Variants in AGBL1 observed in about 807,000 individuals in gnomAD.
AGBL1 encodes cytosolic carboxypeptidase 4.
In AGBL1, 130 loss-of-function variants were observed where a neutral mutation model predicts 118.9. The ratio of observed to expected loss-of-function variants is 1.09; its 90% CI spans 0.95 to 1.26. AGBL1 has a LOEUF of 1.26. Among genes scored for constraint, AGBL1 ranks in the 50% most tolerant of loss-of-function variants. The pLI is 0.00. For missense variants in AGBL1, 1,584 were observed against 1,298.1 expected (o/e 1.22, Z -3.38); for synonymous variants, 555 against 478.9 (o/e 1.16, Z -2.08).
intron 1 of AGBL1, 34 bp downstream of exon 1, chr15:86,080,057 G>A (rs1315302244): frequency 4.9e-6 from 6 of 1,230,646 alleles, no homozygotes; most frequent in East Asian, 3.2e-5. Flanking sequence ...AGAACCCGGC[G>A]GGCTGGGTGT....
intron 18 of AGBL1, among the ~76,000 whole-genome samples, chr15:86,477,109 A>G (rs925601080): frequency 3.2e-4 from 48 of 152,316 alleles, no homozygotes; most frequent in Middle Eastern, 6.8e-3. Flanking sequence ...TATAGCACTC[A>G]ATGCCCACAA....
intron 18 of AGBL1, among the ~76,000 whole-genome samples, chr15:86,436,635 A>G (rs1187002684): frequency 2.0e-5 from 3 of 152,214 alleles, no homozygotes; most frequent in Non-Finnish European, 4.4e-5. Flanking sequence ...TGCTGCCATA[A>G]CAATTACACT....
intron 17 of AGBL1, among the ~76,000 whole-genome samples, chr15:86,379,561 T>C (rs898376408): frequency 6.6e-6 from 1 of 152,222 alleles, no homozygotes. Flanking sequence ...GATTGGGCAA[T>C]TGATGTGTGC....
intron 9 of AGBL1, among the ~76,000 whole-genome samples, chr15:86,261,064 T>G (rs751112004): frequency 1.2e-4 from 19 of 152,220 alleles, no homozygotes; most frequent in Non-Finnish European, 2.4e-4. Context: ...TGTGGCTCTT[T>G]TCCAATAAAA....
intron 22 of AGBL1, among the ~76,000 whole-genome samples, chr15:86,787,659 A>G (rs2078432776): frequency 6.6e-6 from 1 of 151,988 alleles, no homozygotes; most frequent in South Asian, 2.1e-4. Flanking sequence ...TTGTTTCCAT[A>G]TTTTGCCTAA....
intron 3 of AGBL1, among the ~76,000 whole-genome samples, chr15:86,147,622 A>G (rs1196545792): frequency 6.6e-6 from 1 of 152,208 alleles, no homozygotes; most frequent in Non-Finnish European, 1.5e-5. Context: ...AACTGGGTAG[A>G]GCCCACCATA....
intron 21 of AGBL1, among the ~76,000 whole-genome samples, chr15:86,643,550 G>C (rs2085226498): frequency 6.6e-6 from 1 of 151,896 alleles, no homozygotes; most frequent in Non-Finnish European, 1.5e-5. Context: ...TTCTTAATTA[G>C]ATTTATAGGA....
At chr15:86,867,988 C>A (rs2079657339) in intron 22 of AGBL1, among the ~76,000 whole-genome samples, 1 of 152,058 alleles carries the variant, frequency 6.6e-6, no homozygotes, top group East Asian at 1.9e-4. Flanking sequence ...TTCATAAATG[C>A]CTGAATCCAG....
chr15:86,300,872 G>GA (rs1186604330), intron 17 of AGBL1, among the ~76,000 whole-genome samples: 1 of 152,196 alleles, frequency 6.6e-6, no homozygotes, highest in Admixed American at 6.5e-5. Flanking sequence ...GCTGTTCTCA[G>GA]AAAAAAGATT....
intron 22 of AGBL1, among the ~76,000 whole-genome samples, chr15:86,745,328 T>G (rs1262170473): frequency 1.3e-5 from 2 of 152,012 alleles, no homozygotes; most frequent in Non-Finnish European, 2.9e-5. Context: ...AGGCTGTAAG[T>G]TTACATGACC....
In AGBL1 at chr15:86,323,848, C is replaced by T. The variant is rs543901336; in HGVS notation, c.2374+28440C>T. Among the ~76,000 whole-genome samples, 5 of 152,270 alleles carry T rather than the reference C, an allele frequency of 3.3e-5. No homozygotes were observed. In the South Asian group the frequency reaches 1.0e-3, roughly 32 times the overall value. ...TATTTTGCAAACTTAATGGACTTAC[C>T]ACTACTGACCTCTCTTCATGGTGTC... On this transcript the variant is annotated intron_variant, in intron 17 of 22. Transcript: ENST00000614907.
At position 87,023,074 on chromosome 15, in the gene AGBL1, A is replaced by T. The variant is rs78088965; in HGVS notation, c.3324-5751A>T. ...ATACCATTTAAAAAATGAAGTCAAA[A>T]AAACCAAGGTACACAGGCAACAAAT... On this transcript the variant is annotated intron_variant, in intron 24 of 24. Transcript: ENST00000441037. Among the ~76,000 whole-genome samples, 1,040 of 152,196 alleles carry T rather than the reference A, an allele frequency of 6.8e-3. 11 individuals are homozygous for T. Among genetic ancestry groups the T allele is most frequent in the African/African-American group, 0.024 (997 of 41,552 alleles).
intron 5 of AGBL1, among the ~76,000 whole-genome samples, chr15:86,187,893 C>T (rs1041635890): frequency 6.6e-6 from 1 of 152,208 alleles, no homozygotes; most frequent in African/African-American, 2.4e-5. Context: ...CTTTATTTCC[C>T]TGCAACCTCA....
intron 22 of AGBL1, among the ~76,000 whole-genome samples, chr15:86,774,024 T>A (rs999894224): frequency 6.6e-6 from 1 of 152,036 alleles, no homozygotes; most frequent in African/African-American, 2.4e-5. Flanking sequence ...TCAGAAGTAT[T>A]TGTCTATTAA....
chr15:86,792,494 G>C (rs1396379011), intron 22 of AGBL1, among the ~76,000 whole-genome samples: 1 of 152,098 alleles, frequency 6.6e-6, no homozygotes, highest in Non-Finnish European at 1.5e-5. Context: ...GATTTTTATT[G>C]GGAGTTTCAT....
In AGBL1 at chr15:86,440,597, C is replaced by G. The variant is rs1244580127; in HGVS notation, c.2555+43051C>G. On this transcript the variant is annotated intron_variant, in intron 18 of 22. Transcript: ENST00000614907. ...AATCTCATTTATTCCTCATAACCAT[C>G]CTATGAGGTTGATTTTCTTACTAGA... 2.6e-5 allele frequency among the ~76,000 whole-genome samples: 4 copies of G among 152,016 alleles called. No homozygotes were observed. In the East Asian group the frequency reaches 7.7e-4, roughly 29 times the overall value.
At chr15:86,406,130 G>T (rs763944506) in intron 18 of AGBL1, among the ~76,000 whole-genome samples, 1 of 152,212 alleles carries the variant, frequency 6.6e-6, no homozygotes, top group Non-Finnish European at 1.5e-5. Flanking sequence ...GGAGCTGAAG[G>T]AGTAGGGATT....
chr15:86,216,514 G>T (rs1420260752), intron 5 of AGBL1, among the ~76,000 whole-genome samples: 1 of 152,252 alleles, frequency 6.6e-6, no homozygotes, highest in Non-Finnish European at 1.5e-5. Context: ...GTTTTGAGAT[G>T]ATCAGGTATT....
At chr15:86,571,088 C>CGG (rs2084000082) in intron 21 of AGBL1, among the ~76,000 whole-genome samples, 1 of 152,174 alleles carries the variant, frequency 6.6e-6, no homozygotes, top group East Asian at 1.9e-4. Flanking sequence ...ACCGGCTACA[C>CGG]CACAAGCAGC....
Sources: gnomAD v4.1 joint callset for allele counts (sites outside exome capture counted in the v4.1 genomes callset) on GRCh38, gnomAD v4.1.1 for gene constraint, MANE v1.5 for transcripts, NCBI Gene and HGNC (gene_info 2026-07-23, HGNC 2026-07-21) for gene names.